The following LHFPL1 variants were observed in gnomAD, a reference collection of about 807,000 sequenced individuals.
The protein encoded by LHFPL1 is LHFPL tetraspan subfamily member 1, also known as LHFPL tetraspan subfamily member 1 protein.
In LHFPL1, 4 loss-of-function variants were observed where a neutral mutation model predicts 12.1. The ratio of observed to expected loss-of-function variants is 0.33; its 90% CI spans 0.16 to 0.76. LHFPL1 has a LOEUF of 0.76. LHFPL1 is among the 30% of genes least tolerant of loss of function. LHFPL1 has a pLI of 0.61. For missense variants in LHFPL1, 141 were observed against 174.1 expected (o/e 0.81, Z 1.07); for synonymous variants, 52 against 61.9 (o/e 0.84, Z 0.75).
At chrX:112,678,058 A>G (rs1931703840) in intron 1 of LHFPL1, among the ~76,000 whole-genome samples, 1 of 110,756 alleles carries the variant, frequency 9.0e-6, no homozygotes, top group African/African-American at 3.3e-5. Context: ...GCCAGAGACT[A>G]AGTGGAGAGA....
At chrX:112,656,201 G>T (rs1930995655) in intron 3 of LHFPL1, among the ~76,000 whole-genome samples, 1 of 111,399 alleles carries the variant, frequency 9.0e-6, no homozygotes. Flanking sequence ...TGCAAGGTTG[G>T]TTTAACATAT....
intron 3 of LHFPL1, among the ~76,000 whole-genome samples, chrX:112,637,559 C>T (rs757438693): frequency 1.8e-4 from 20 of 111,845 alleles, no homozygotes; most frequent in Non-Finnish European, 3.6e-4. Flanking sequence ...GCTTAGAAGC[C>T]AAGAATGCTG....
intron 3 of LHFPL1, among the ~76,000 whole-genome samples, chrX:112,639,421 G>A (rs914570766): frequency 4.5e-5 from 5 of 111,627 alleles, no homozygotes; most frequent in Admixed American, 2.8e-4. Flanking sequence ...CTGCTGGAGG[G>A]GTAGGACATT....
At chrX:112,663,123 G>GC (rs1471710694) in intron 2 of LHFPL1, among the ~76,000 whole-genome samples, 1 of 111,294 alleles carries the variant, frequency 9.0e-6, no homozygotes, top group African/African-American at 3.3e-5. Context: ...ATACTGAGGA[G>GC]CCCAGGTCAA....
chrX:112,655,995 C>G (rs769376218), intron 3 of LHFPL1, among the ~76,000 whole-genome samples: 1 of 112,040 alleles, frequency 8.9e-6, no homozygotes, highest in Non-Finnish European at 1.9e-5. Flanking sequence ...AAAGTAGAAT[C>G]ATAGGAACTC....
intron 3 of LHFPL1, among the ~76,000 whole-genome samples, chrX:112,653,342 C>T (rs768753585): frequency 6.3e-5 from 7 of 111,356 alleles, no homozygotes; most frequent in Non-Finnish European, 1.1e-4. Context: ...AGCTCTGTGC[C>T]CTGGGGTAAC....
rs188006421 is a variant in LHFPL1, at chrX:112,671,563, T to C, written c.-14-159A>G. On this transcript the variant is annotated intron_variant, in intron 1 of 3. Coordinates refer to ENST00000371968, the MANE Select transcript of LHFPL1 (RefSeq NM_178175.4). ...GATAAGATTATTCTCTCGAGGACCA[T>C]TTGGATCCCTGTGGGATTTTGCTTT... is the stretch of plus-strand genomic sequence containing the variant. The C allele has an allele frequency of 3.9e-4, 432 of 1,097,841 alleles. 2 individuals are homozygous for C. In the African/African-American group the frequency reaches 6.9e-3, roughly 18 times the overall value. The allele number at this position is 1,097,841 out of a possible 1,213,427, so 90.5% of individuals were successfully genotyped here. A position where few individuals can be genotyped will look rare whatever the true frequency, so the allele number is the denominator to read the frequency against.
chrX:112,673,910 A>G (rs1931581584), intron 1 of LHFPL1, among the ~76,000 whole-genome samples: 1 of 111,798 alleles, frequency 8.9e-6, no homozygotes, highest in Non-Finnish European at 1.9e-5. Context: ...CAAGTATATA[A>G]TTTCTTTCAA....
Position 112,677,171 on chromosome X carries a change from GAC to G in LHFPL1, c.-15+2656_-15+2657del, listed in dbSNP as rs200811017. ...CTCCTCCCCAGTACCCACAGAAAAA[GAC>G]ACAAATCCTTTTGTTTCCACTTGAG... is the stretch of plus-strand genomic sequence containing the variant. On this transcript the variant is annotated intron_variant, in intron 1 of 3. Transcript: ENST00000371968. Among the ~76,000 whole-genome samples the G allele has an allele frequency of 3.7e-3, 409 of 111,827 alleles. 1 individual carries two copies. The highest frequency in any genetic ancestry group is 0.013 in the African/African-American group (395 of 30,788).
chrX:112,679,558 A>G (rs1458593124), intron 1 of LHFPL1, among the ~76,000 whole-genome samples: 2 of 111,749 alleles, frequency 1.8e-5, no homozygotes, highest in Non-Finnish European at 3.8e-5. Flanking sequence ...GGGGAAACCA[A>G]CTAGCACTTA....
intron 2 of LHFPL1, among the ~76,000 whole-genome samples, chrX:112,669,018 AC>A (rs1366811736): frequency 8.9e-6 from 1 of 112,460 alleles, no homozygotes; most frequent in Non-Finnish European, 1.9e-5. Flanking sequence ...CAGGGTGCTA[AC>A]AGCCCTGCAT....
intron 2 of LHFPL1, among the ~76,000 whole-genome samples, chrX:112,662,961 C>T (rs1238502342): frequency 1.8e-5 from 2 of 112,059 alleles, no homozygotes; most frequent in Admixed American, 9.4e-5. Flanking sequence ...TAAAAGAACA[C>T]CAGCTCTATT....
Position 112,631,101 on chromosome X carries a change from G to A in LHFPL1, c.*319C>T, listed in dbSNP as rs758239439. On this transcript the variant is annotated 3_prime_UTR_variant, in exon 4 of 4. Transcript: ENST00000371968. ...GGTAGGAACCAGCTCTGCCCATCTCGTGCTCCCTCCCTGCACAACTATTCT... is the reference window on the plus strand; with the variant it reads ...GGTAGGAACCAGCTCTGCCCATCTCATGCTCCCTCCCTGCACAACTATTCT... 4.0e-5 allele frequency: 7 copies of A among 175,812 alleles called. No individual in the cohort carries two copies. Among genetic ancestry groups the A allele is most frequent in the African/African-American group, 1.5e-4 (5 of 33,713 alleles). The allele number at this position is 175,812 out of a possible 1,213,427, so 14.5% of individuals were successfully genotyped here. A position where few individuals can be genotyped will look rare whatever the true frequency, so the allele number is the denominator to read the frequency against.
chrX:112,654,301 G>A (rs1390150925), intron 3 of LHFPL1, among the ~76,000 whole-genome samples: 1 of 111,591 alleles, frequency 9.0e-6, no homozygotes, highest in Non-Finnish European at 1.9e-5. Context: ...TACTCTTTAA[G>A]CAGGCACTGG....
At chrX:112,676,992 A>G (rs1931671971) in intron 1 of LHFPL1, among the ~76,000 whole-genome samples, 1 of 111,703 alleles carries the variant, frequency 9.0e-6, no homozygotes, top group African/African-American at 3.3e-5. Context: ...GTGGTGTCCA[A>G]TTGCCAAGCC....
At chrX:112,677,811 T>C (rs1345780066) in intron 1 of LHFPL1, among the ~76,000 whole-genome samples, 1 of 111,731 alleles carries the variant, frequency 9.0e-6, no homozygotes. Flanking sequence ...CATGATGTAC[T>C]CACTCATCTT....
At chrX:112,648,843 T>C (rs1049638168) in intron 3 of LHFPL1, 4 of 111,960 alleles carry the variant, frequency 3.6e-5, no homozygotes, top group South Asian at 3.7e-4. Context: ...ATATTATTTT[T>C]ATCTTGCAAT....
At chrX:112,636,613 G>C (rs1317248035) in intron 3 of LHFPL1, among the ~76,000 whole-genome samples, 1 of 111,454 alleles carries the variant, frequency 9.0e-6, no homozygotes, top group Admixed American at 9.5e-5. Flanking sequence ...GGAAGGCAAG[G>C]GAAGCTCAAG....
At chrX:112,662,509 C>T (rs1931219410) in intron 2 of LHFPL1, among the ~76,000 whole-genome samples, 1 of 111,758 alleles carries the variant, frequency 8.9e-6, no homozygotes, top group Non-Finnish European at 1.9e-5. Flanking sequence ...TCATTGAGGC[C>T]GCAGAAGAAG....
Sources: gnomAD v4.1 joint callset for allele counts (sites outside exome capture counted in the v4.1 genomes callset) on GRCh38, gnomAD v4.1.1 for gene constraint, MANE v1.5 for transcripts, NCBI Gene and HGNC (gene_info 2026-07-23, HGNC 2026-07-21) for gene names.